Variants in TAB1 observed in about 807,000 individuals in gnomAD.
The protein encoded by TAB1 is TGF-beta activated kinase 1 (MAP3K7) binding protein 1.
In TAB1, 30 loss-of-function variants were observed where a neutral mutation model predicts 54.5. The ratio of observed to expected loss-of-function variants is 0.55; its 90% CI spans 0.41 to 0.75. The LOEUF (loss-of-function observed/expected upper bound fraction) is 0.75. Among genes scored for constraint, TAB1 ranks in the 30% least tolerant of loss-of-function variants. TAB1 has a pLI of 0.00. For synonymous variants in TAB1, 289 were observed against 286.9 expected (o/e 1.01, Z -0.07); for missense variants, 609 against 683.2 (o/e 0.89, Z 1.21).
intron 5 of TAB1, 147 bp from the exon 6 acceptor site, chr22:39,418,585 G>A (rs1926937202): frequency 1.6e-6 from 1 of 629,626 alleles, no homozygotes; most frequent in African/African-American, 1.8e-5. Flanking sequence ...TCCCTAACTG[G>A]TGACTCACCC....
At chr22:39,403,908 T>C (rs1380685835) in intron 1 of TAB1, among the ~76,000 whole-genome samples, 6 of 152,118 alleles carry the variant, frequency 3.9e-5, no homozygotes, top group African/African-American at 1.2e-4. Flanking sequence ...CCTCCCAAAG[T>C]GCTGGGATTA....
chr22:39,426,512 A>G (rs1217018024), intron 8 of TAB1, among the ~76,000 whole-genome samples, 191 bp from the exon 9 acceptor site: 1 of 152,232 alleles, frequency 6.6e-6, no homozygotes, highest in Non-Finnish European at 1.5e-5. Flanking sequence ...ACACTTCCTA[A>G]TGAGAAAGTT....
intron 4 of TAB1, among the ~76,000 whole-genome samples, 166 bp downstream of exon 4, chr22:39,417,043 C>T (rs1926863593): frequency 6.6e-6 from 1 of 152,272 alleles, no homozygotes; most frequent in Non-Finnish European, 1.5e-5. Context: ...GACCTCGCTG[C>T]TCTGCTGTGG....
chr22:39,403,507 G>A (rs1038662941), intron 1 of TAB1, among the ~76,000 whole-genome samples: 3 of 152,138 alleles, frequency 2.0e-5, no homozygotes, highest in Non-Finnish European at 4.4e-5. Flanking sequence ...TGAGGGAGCC[G>A]GGGGCCATGC....
At chr22:39,411,571 A>G (rs1454063583) in intron 1 of TAB1, among the ~76,000 whole-genome samples, 1 of 152,216 alleles carries the variant, frequency 6.6e-6, no homozygotes, top group Non-Finnish European at 1.5e-5. Context: ...ATCTAAATTC[A>G]GAAAAAGACA....
At chr22:39,427,586 T>G (rs2053715163) in intron 9 of TAB1, among the ~76,000 whole-genome samples, 1 of 152,272 alleles carries the variant, frequency 6.6e-6, no homozygotes, top group Non-Finnish European at 1.5e-5. Flanking sequence ...AAGCAAATCT[T>G]AGATAAAGCT....
chr22:39,425,707 C>T (rs1433258748), intron 8 of TAB1, among the ~76,000 whole-genome samples: 10 of 151,566 alleles, frequency 6.6e-5, no homozygotes, highest in African/African-American at 7.3e-5. Context: ...CCACCACGCC[C>T]GGCTAATTTT....
chr22:39,401,425 G>A (rs1195915183), intron 1 of TAB1, among the ~76,000 whole-genome samples: 1 of 152,232 alleles, frequency 6.6e-6, no homozygotes, highest in Non-Finnish European at 1.5e-5. Context: ...TAAGTTCCCA[G>A]AGGGCAAGGT....
intron 1 of TAB1, among the ~76,000 whole-genome samples, chr22:39,413,854 T>G (rs1569196162): frequency 1.3e-5 from 2 of 152,268 alleles, no homozygotes; most frequent in South Asian, 2.1e-4. Flanking sequence ...GAGGCCAGAT[T>G]TGGGGCAAGC....
downstream of TAB1, among the ~76,000 whole-genome samples, chr22:39,435,690 G>C (rs936417805): frequency 6.6e-6 from 1 of 152,194 alleles, no homozygotes; most frequent in African/African-American, 2.4e-5. Context: ...TGACATCACA[G>C]GTGTGAGCAG....
intron 1 of TAB1, among the ~76,000 whole-genome samples, chr22:39,409,672 C>A (rs1323542754): frequency 6.6e-6 from 1 of 152,196 alleles, no homozygotes; most frequent in Admixed American, 6.5e-5. Flanking sequence ...TCATTCAGGT[C>A]TGGCTCAGAC....
At chr22:39,421,305 T>A (rs1379049196) in intron 7 of TAB1, among the ~76,000 whole-genome samples, 1 of 152,034 alleles carries the variant, frequency 6.6e-6, no homozygotes, top group East Asian at 1.9e-4. Flanking sequence ...GTTCTTAGAC[T>A]CCGCTCTTCT....
At position 39,415,785 on chromosome 22, in the gene TAB1, C is replaced by T. The variant is rs966319168; in HGVS notation, c.324+132C>T. 1.6e-6 allele frequency: 2 copies of T among 1,227,470 alleles called. No homozygotes were observed. The allele number at this position is 1,227,470 out of a possible 1,614,324, so 76.0% of individuals were successfully genotyped here. A position where few individuals can be genotyped will look rare whatever the true frequency, so the allele number is the denominator to read the frequency against. On this transcript the variant is annotated intron_variant, in intron 3 of 10. Transcript: ENST00000216160. The surrounding 1 kb of genome is among the most constrained non-coding windows in gnomAD (Gnocchi z 4.9). ...CGGCCCCTTCACCCCAGTAGAGGAGCAGCTCCCAGCGTAGGCCCCCCCACC... is the reference window on the plus strand; with the variant it reads ...CGGCCCCTTCACCCCAGTAGAGGAGTAGCTCCCAGCGTAGGCCCCCCCACC...
chr22:39,436,562 C>T, downstream of TAB1: 1 of 1,613,622 alleles, frequency 6.2e-7, no homozygotes, highest in South Asian at 1.1e-5. Flanking sequence ...GCAGCCTGAC[C>T]CCAGGGTAGG....
At chr22:39,408,540 C>T (rs1272155619) in intron 1 of TAB1, among the ~76,000 whole-genome samples, 2 of 151,076 alleles carry the variant, frequency 1.3e-5, no homozygotes, top group Non-Finnish European at 1.5e-5. Context: ...GCTCTGTCAT[C>T]CAGGCTGGAG....
chr22:39,433,879 AC>A, downstream of TAB1: 1 of 856,106 alleles, frequency 1.2e-6, no homozygotes, highest in Non-Finnish European at 1.3e-6. Flanking sequence ...CCTGGCCCCC[AC>A]CCCACCGCCC....
chr22:39,434,149 A>T (rs369367569), downstream of TAB1, among the ~76,000 whole-genome samples: 4 of 152,332 alleles, frequency 2.6e-5, no homozygotes, highest in South Asian at 8.3e-4. Context: ...AGATTGCTGA[A>T]CACATCGAGT....
intron 6 of TAB1, 36 bp downstream of exon 6, chr22:39,418,881 A>C: frequency 6.6e-7 from 1 of 1,523,898 alleles, no homozygotes; most frequent in Non-Finnish European, 9.1e-7. Flanking sequence ...GCTGATCCCC[A>C]TGGGCTCACC....
Position 39,415,543 on chromosome 22 carries a change from G to T in TAB1, c.214G>T (p.Asp72Tyr). The T allele has an allele frequency of 6.2e-7, 1 of 1,614,222 alleles. No individual in the cohort carries two copies. The highest frequency in any genetic ancestry group is 8.5e-7 in the Non-Finnish European group (1 of 1,180,036). The change falls in exon 3 of 11, where the codon GAT (aspartate) becomes TAT (tyrosine). Residue 72 changes from aspartate to tyrosine, a missense_variant. Transcript: ENST00000216160. This position sits in a 1 kb window ranked among gnomAD's most constrained non-coding sequence, Gnocchi z 4.9. ...CFLYGVFNGY[D>Y]GNRVTNFVAQ... ...CCTGTATGGGGTCTTCAACGGCTAT[G>T]ATGGCAACCGAGTGACCAACTTCGT...
Sources: gnomAD v4.1 joint callset for allele counts (sites outside exome capture counted in the v4.1 genomes callset) on GRCh38, gnomAD v4.1.1 for gene constraint, Gnocchi (gnomAD v3.1) non-coding constraint, MANE v1.5 for transcripts, NCBI Gene and HGNC (gene_info 2026-07-23, HGNC 2026-07-21) for gene names.